TPD52L2: variants seen among roughly 807,000 people sequenced by gnomAD.
The protein encoded by TPD52L2 is TPD52 like 2, also known as tumor protein D54.
Under a neutral mutation model 24.7 loss-of-function variants are expected in TPD52L2, and 19 were observed. The ratio of observed to expected loss-of-function variants is 0.77; its 90% confidence interval spans 0.54 to 1.13. The LOEUF (loss-of-function observed/expected upper bound fraction) is 1.13, where lower values mean the gene tolerates loss of function less well. TPD52L2 is among the 50% of genes most tolerant of loss of function. The pLI, the probability that TPD52L2 is intolerant of heterozygous loss-of-function variation, is 0.00. For synonymous variants in TPD52L2, 104 were observed against 100.2 expected (o/e 1.04, Z -0.23); for missense variants, 236 against 250.4 (o/e 0.94, Z 0.39).
At chr20:63,875,691 C>A in intron 3 of TPD52L2, 125 bp from the exon 4 acceptor site, 1 of 943,668 alleles carries the variant, frequency 1.1e-6, no homozygotes, top group Non-Finnish European at 1.6e-6. Flanking sequence ...ATTTTTGGGC[C>A]GTCTGTGGAG....
intron 5 of TPD52L2, chr20:63,888,888 G>C (rs185252338): frequency 6.6e-6 from 3 of 455,106 alleles, no homozygotes; most frequent in East Asian, 3.5e-5. Context: ...ACGAGAGCCC[G>C]GGATGTCCCT....
chr20:63,887,264 C>T (rs969778658), intron 5 of TPD52L2: 7 of 529,188 alleles, frequency 1.3e-5, no homozygotes, highest in Non-Finnish European at 2.4e-5. Context: ...CTTCTGAAGG[C>T]TGTTTGTACC....
At chr20:63,887,133 C>T (rs1422434328) in intron 5 of TPD52L2, 7 of 299,390 alleles carry the variant, frequency 2.3e-5, no homozygotes, top group African/African-American at 6.8e-5. Context: ...GCCGGGGCGC[C>T]GCCAGCACGT....
Position 63,877,386 on chromosome 20 carries a change from C to T in TPD52L2, c.374+1511C>T, listed in dbSNP as rs1347108122. On this transcript the variant is annotated intron_variant, in intron 4 of 6. Transcript: ENST00000346249. The surrounding 1 kb of genome is among the most constrained non-coding windows in gnomAD (Gnocchi z 4.1). ...GTGTTAGCCAGGATGGTTTCGATCT[C>T]CTGACCTCGTGATCCGCCCATCTCG... 1.3e-5 allele frequency among the ~76,000 whole-genome samples: 2 copies of T among 152,112 alleles called. No homozygotes were observed. Among genetic ancestry groups the T allele is most frequent in the Non-Finnish European group, 2.9e-5 (2 of 68,022 alleles).
chr20:63,887,946 C>T (rs1264094789), intron 5 of TPD52L2: 2 of 405,888 alleles, frequency 4.9e-6, no homozygotes, highest in Non-Finnish European at 9.0e-6. Flanking sequence ...GGTGGGCTGT[C>T]ACTCAGGACA....
intron 1 of TPD52L2, 138 bp from the exon 2 acceptor site, chr20:63,869,158 A>C (rs927146347): frequency 3.1e-6 from 3 of 969,154 alleles, no homozygotes; most frequent in Non-Finnish European, 4.8e-6. Flanking sequence ...CTGTCCTCAC[A>C]GACCTTTCAG....
intron 4 of TPD52L2, chr20:63,876,905 G>A: frequency 6.6e-6 from 3 of 455,530 alleles, no homozygotes; most frequent in Non-Finnish European, 1.3e-5. Flanking sequence ...TTCACGGCAT[G>A]TTGCCCTGGG....
Position 63,865,364 on chromosome 20 carries a change from A to C in TPD52L2, c.-2A>C. The stretch of plus-strand genomic sequence containing the variant: ...CGACAGCGGTCCGGACGCCGCCCGA[A>C]CATGGACTCCGCCGGCCAAGGTACC... On this transcript the variant is annotated 5_prime_UTR_variant, in exon 1 of 7. Coordinates refer to ENST00000346249, the MANE Select transcript of TPD52L2 (RefSeq NM_003288.4). The C allele has an allele frequency of 6.5e-7, 1 of 1,529,402 alleles. No homozygotes were observed. Among genetic ancestry groups the C allele is most frequent in the Non-Finnish European group, 8.7e-7 (1 of 1,143,764 alleles). The allele number at this position is 1,529,402 out of a possible 1,614,324, so 94.7% of individuals were successfully genotyped here.
chr20:63,885,495 C>T (rs1408946877), intron 5 of TPD52L2, among the ~76,000 whole-genome samples: 1 of 152,228 alleles, frequency 6.6e-6, no homozygotes, highest in Non-Finnish European at 1.5e-5. Context: ...GGATGGAGCG[C>T]AGAGCAGAAA....
intron 1 of TPD52L2, among the ~76,000 whole-genome samples, chr20:63,868,322 C>T (rs1314283088): frequency 6.6e-6 from 1 of 152,178 alleles, no homozygotes; most frequent in Non-Finnish European, 1.5e-5. Flanking sequence ...TATGTGAAAT[C>T]TTGTAGACTT....
chr20:63,887,364 G>A lies in TPD52L2; in HGVS notation c.477-1826G>A, dbSNP rs1600840903. ...CCCAGTGCTATGCGCTGGGCAACTT[G>A]GGGTGCCCCCCATGAGGCCAAGGGA... On this transcript the variant is annotated intron_variant, in intron 5 of 6. Coordinates refer to ENST00000346249, the MANE Select transcript of TPD52L2 (RefSeq NM_003288.4). 5.6e-6 allele frequency: 4 copies of A among 708,960 alleles called. No homozygotes were observed. In the East Asian group the frequency reaches 7.5e-5, roughly 13 times the overall value. 43.9% of individuals were successfully genotyped at this position (708,960 alleles called of 1,614,324 possible).
intron 6 of TPD52L2, among the ~76,000 whole-genome samples, chr20:63,889,583 C>G (rs2146255470): frequency 6.6e-6 from 1 of 152,264 alleles, no homozygotes; most frequent in Non-Finnish European, 1.5e-5. Context: ...CTAGTCCACT[C>G]TCCCTTTGTA....
At chr20:63,884,285 C>T (rs939369322) in intron 5 of TPD52L2, among the ~76,000 whole-genome samples, 13 of 152,194 alleles carry the variant, frequency 8.5e-5, no homozygotes, top group Non-Finnish European at 1.5e-5. Context: ...TGAGTTTCAG[C>T]TGAACTCAGC....
chr20:63,878,347 T>C (rs1176489087), intron 4 of TPD52L2, among the ~76,000 whole-genome samples: 3 of 152,192 alleles, frequency 2.0e-5, no homozygotes, highest in Non-Finnish European at 4.4e-5. Context: ...GGTGAAACAA[T>C]TGCCTGTTGC....
chr20:63,876,264 C>T (rs1329744970), intron 4 of TPD52L2, among the ~76,000 whole-genome samples: 1 of 152,220 alleles, frequency 6.6e-6, no homozygotes, highest in African/African-American at 2.4e-5. Context: ...TAACCCTAAC[C>T]CTTTTCCCTG....
chr20:63,875,692 G>A lies in TPD52L2; in HGVS notation c.315-124G>A, dbSNP rs541312268. On this transcript the variant is annotated intron_variant, in intron 3 of 6. Transcript: ENST00000346249. ...AGGCAGTGGACCCCATTTTTGGGCC[G>A]TCTGTGGAGTTGATGTTCCTGCCAG... 7.1e-5 allele frequency: 68 copies of A among 963,336 alleles called. No homozygotes were observed. In the South Asian group the frequency reaches 7.5e-4, roughly 11 times the overall value. 59.7% of individuals were successfully genotyped at this position (963,336 alleles called of 1,614,324 possible).
At chr20:63,884,447 C>CCAAACTCAAATCCAAGGGGCACGTGG (rs2053021239) in intron 5 of TPD52L2, among the ~76,000 whole-genome samples, 1 of 152,176 alleles carries the variant, frequency 6.6e-6, no homozygotes, top group African/African-American at 2.4e-5. Context: ...TTGTTCAGAC[C>CCAAACTCAAATCCAAGGGGCACGTGG]ATTGTGGTGG....
At chr20:63,869,082 C>G (rs1430986807) in intron 1 of TPD52L2, among the ~76,000 whole-genome samples, 3 of 152,214 alleles carry the variant, frequency 2.0e-5, no homozygotes, top group Non-Finnish European at 4.4e-5. Flanking sequence ...CCTGAAGCAG[C>G]ACAAGTGGCA....
At chr20:63,870,729 T>C (rs1412445706) in intron 2 of TPD52L2, among the ~76,000 whole-genome samples, 3 of 150,892 alleles carry the variant, frequency 2.0e-5, no homozygotes, top group Admixed American at 2.0e-4. Context: ...TTTGTTTTTT[T>C]TTTTTGGAGA....
Sources: gnomAD v4.1 joint callset for allele counts (sites outside exome capture counted in the v4.1 genomes callset) on GRCh38, gnomAD v4.1.1 for gene constraint, Gnocchi (gnomAD v3.1) non-coding constraint, MANE v1.5 for transcripts, NCBI Gene and HGNC (gene_info 2026-07-23, HGNC 2026-07-21) for gene names.